Variants in DPYD observed in about 807,000 individuals in gnomAD.
DPYD encodes dihydropyrimidine dehydrogenase [NADP(+)].
DPYD carries 109 observed loss-of-function variants against 116.2 expected under a neutral mutation model. The ratio of observed to expected loss-of-function variants is 0.94; its 90% CI spans 0.80 to 1.10. The LOEUF is 1.10. Among genes scored for constraint, DPYD ranks in the 50% least tolerant of loss-of-function variants. The probability of loss-of-function intolerance (pLI) is 0.00; values close to 1 mark genes in which losing one functional copy is unlikely to be tolerated. For missense variants in DPYD, 1,302 were observed against 1,254.5 expected (o/e 1.04, Z -0.57); for synonymous variants, 440 against 432.0 (o/e 1.02, Z -0.23).
chr1:97,401,135 C>T (rs1673353101), intron 14 of DPYD, among the ~76,000 whole-genome samples: 1 of 152,058 alleles, frequency 6.6e-6, no homozygotes, highest in Non-Finnish European at 1.5e-5. Context: ...CCGTTAAAGT[C>T]TTTAGCTCAT....
intron 14 of DPYD, among the ~76,000 whole-genome samples, chr1:97,435,879 C>A (rs552326146): frequency 8.7e-4 from 132 of 151,910 alleles, no homozygotes; most frequent in Non-Finnish European, 1.5e-3. Flanking sequence ...ATATAGTTAT[C>A]AATAAGCCCA....
At chr1:97,555,830 G>T (rs1651663570) in intron 11 of DPYD, among the ~76,000 whole-genome samples, 1 of 151,978 alleles carries the variant, frequency 6.6e-6, no homozygotes, top group Admixed American at 6.6e-5. Flanking sequence ...TAGGAATTTT[G>T]CCCCTGACAC....
At chr1:97,876,205 G>T (rs1404309646) in intron 2 of DPYD, among the ~76,000 whole-genome samples, 1 of 152,008 alleles carries the variant, frequency 6.6e-6, no homozygotes, top group Admixed American at 6.6e-5. Flanking sequence ...CCCACAGAGT[G>T]AGCCAGCAAG....
chr1:97,663,626 C>G (rs1659390296), intron 8 of DPYD, among the ~76,000 whole-genome samples: 1 of 152,132 alleles, frequency 6.6e-6, no homozygotes, highest in South Asian at 2.1e-4. Context: ...TCACTAATCT[C>G]TTACCTCTCA....
At chr1:97,533,550 G>T (rs1036645508) in intron 12 of DPYD, among the ~76,000 whole-genome samples, 3 of 152,114 alleles carry the variant, frequency 2.0e-5, no homozygotes, top group Non-Finnish European at 2.9e-5. Flanking sequence ...ACCAGCTCAG[G>T]GTGGTGCCTG....
At chr1:97,579,695 C>A (rs1234282288) in intron 10 of DPYD, among the ~76,000 whole-genome samples, 1 of 152,190 alleles carries the variant, frequency 6.6e-6, no homozygotes, top group African/African-American at 2.4e-5. Context: ...CCTCATGGCA[C>A]CCATATATAT....
rs376073289 is a variant in DPYD, at chr1:97,699,408, C to A, written c.623G>T (p.Arg208Leu). 1.7e-5 allele frequency: 27 copies of A among 1,613,494 alleles called. No homozygotes were observed. The highest frequency in any genetic ancestry group is 2.3e-5 in the Non-Finnish European group (27 of 1,179,686). The part of the protein sequence containing the change: ...ASISCASFLA[R>L]LGYSDITIFE... Reference sequence around the variant, plus strand: ...TATAGTGATGTCAGAGTACCCCAATCGAGCCAAAAAGGAAGCACAACTTAT... The same window carrying A: ...TATAGTGATGTCAGAGTACCCCAATAGAGCCAAAAAGGAAGCACAACTTAT... Residue 208 changes from arginine to leucine, a missense_variant, in exon 6 of 23, where the codon CGA becomes CTA. Physicochemically the swap from Arg to Leu is moderately radical, Grantham distance 102. Coordinates refer to ENST00000370192, the MANE Select transcript of DPYD (RefSeq NM_000110.4).
At chr1:97,811,216 C>T (rs1320374747) in intron 3 of DPYD, among the ~76,000 whole-genome samples, 3 of 152,106 alleles carry the variant, frequency 2.0e-5, no homozygotes, top group Admixed American at 2.0e-4. Context: ...GTAGAATTAT[C>T]TTAGTTACAA....
At chr1:97,611,050 C>T (rs1219050700) in intron 8 of DPYD, among the ~76,000 whole-genome samples, 1 of 151,762 alleles carries the variant, frequency 6.6e-6, no homozygotes, top group South Asian at 2.1e-4. Flanking sequence ...TGTATTCATC[C>T]ATTTTCACAC....
intron 16 of DPYD, among the ~76,000 whole-genome samples, chr1:97,330,645 A>G (rs1668937087): frequency 6.6e-6 from 1 of 152,138 alleles, no homozygotes; most frequent in Non-Finnish European, 1.5e-5. Flanking sequence ...GCAAGGGATG[A>G]GGGGGTAGAG....
At chr1:97,169,516 G>C (rs1656566142) in intron 20 of DPYD, among the ~76,000 whole-genome samples, 2 of 89,794 alleles carry the variant, frequency 2.2e-5, no homozygotes. Context: ...TTGATATATT[G>C]GGTTAATTTT....
chr1:97,248,475 T>C (rs1425709161), intron 18 of DPYD, among the ~76,000 whole-genome samples: 1 of 152,184 alleles, frequency 6.6e-6, no homozygotes, highest in Non-Finnish European at 1.5e-5. Flanking sequence ...CAATTAAACC[T>C]CTTTCTTTGG....
At chr1:97,178,646 C>T (rs1184283234) in intron 20 of DPYD, among the ~76,000 whole-genome samples, 2 of 152,058 alleles carry the variant, frequency 1.3e-5, no homozygotes, top group African/African-American at 4.8e-5. Flanking sequence ...GGTGGGGGCA[C>T]AAAATCTAAC....
At chr1:97,782,442 G>A (rs1298075785) in intron 3 of DPYD, among the ~76,000 whole-genome samples, 6 of 152,170 alleles carry the variant, frequency 3.9e-5, no homozygotes, top group Admixed American at 3.9e-4. Flanking sequence ...CACATCCCTT[G>A]CAGTTGCCTT....
chr1:97,789,636 C>T (rs1286888641), intron 3 of DPYD, among the ~76,000 whole-genome samples: 2 of 151,970 alleles, frequency 1.3e-5, no homozygotes, highest in South Asian at 2.1e-4. Context: ...TTTTTCTCAC[C>T]TCCCACACTT....
At chr1:97,525,871 C>CGTGT (rs536155212) in intron 12 of DPYD, among the ~76,000 whole-genome samples, 6 of 123,064 alleles carry the variant, frequency 4.9e-5, no homozygotes, top group Non-Finnish European at 1.0e-4. Flanking sequence ...TAAGAGTGTG[C>CGTGT]GTGTGTGTGT....
chr1:97,167,219 T>G (rs1451510411), intron 20 of DPYD, among the ~76,000 whole-genome samples: 2 of 152,170 alleles, frequency 1.3e-5, no homozygotes, highest in African/African-American at 2.4e-5. Flanking sequence ...ATTTTGGACA[T>G]AGGAAGAGCA....
At chr1:97,487,280 A>C (rs1678692378) in intron 13 of DPYD, among the ~76,000 whole-genome samples, 1 of 152,194 alleles carries the variant, frequency 6.6e-6, no homozygotes, top group African/African-American at 2.4e-5. Flanking sequence ...ATTAAAAAAA[A>C]TATGGAGAAA....
intron 11 of DPYD, among the ~76,000 whole-genome samples, chr1:97,564,337 T>C (rs1296013572): frequency 1.3e-5 from 2 of 152,186 alleles, no homozygotes; most frequent in African/African-American, 4.8e-5. Flanking sequence ...CTTCATATTA[T>C]GGAATATGAC....
Sources: gnomAD v4.1 joint callset for allele counts (sites outside exome capture counted in the v4.1 genomes callset) on GRCh38, gnomAD v4.1.1 for gene constraint, MANE v1.5 for transcripts, NCBI Gene and HGNC (gene_info 2026-07-23, HGNC 2026-07-21) for gene names.